The following SYNPR variants were observed in gnomAD, a reference collection of about 807,000 sequenced individuals.
SYNPR encodes synaptoporin.
SYNPR carries 23 observed loss-of-function variants against 32.9 expected under a neutral mutation model. The observed-to-expected ratio is 0.70, with a 90% CI of 0.50 to 0.99. SYNPR has a LOEUF of 0.99. Ranked by LOEUF, SYNPR falls within the 50% of genes least tolerant of loss-of-function variation. SYNPR has a pLI of 0.00. For missense variants in SYNPR, 318 were observed against 349.3 expected (o/e 0.91, Z 0.71); for synonymous variants, 146 against 135.9 (o/e 1.07, Z -0.52).
At chr3:63,478,472 CAAT>C (rs1375871893) in intron 2 of SYNPR, among the ~76,000 whole-genome samples, 1 of 152,172 alleles carries the variant, frequency 6.6e-6, no homozygotes, top group Non-Finnish European at 1.5e-5. Flanking sequence ...ACATGCCTCA[CAAT>C]ATTGTTGCCA....
chr3:63,328,676 C>T (rs2087191807), intron 2 of SYNPR, among the ~76,000 whole-genome samples: 1 of 152,146 alleles, frequency 6.6e-6, no homozygotes, highest in African/African-American at 2.4e-5. Context: ...GAAAAATAAA[C>T]ATCCAATTGG....
intron 2 of SYNPR, among the ~76,000 whole-genome samples, chr3:63,392,614 C>T (rs7640936): frequency 0.057 from 8,616 of 152,134 alleles, 631 homozygotes; most frequent in African/African-American, 0.17. Context: ...TTGTCATTAT[C>T]GTCCCTGGAA....
At chr3:63,559,070 CTTT>C (rs34219166) in intron 4 of SYNPR, among the ~76,000 whole-genome samples, 24 of 126,138 alleles carry the variant, frequency 1.9e-4, no homozygotes, top group Admixed American at 3.1e-4. Flanking sequence ...TCAATACTTT[CTTT>C]TTTTTTTTTT....
At chr3:63,549,666 G>T (rs1174172256) in intron 3 of SYNPR, among the ~76,000 whole-genome samples, 1 of 152,130 alleles carries the variant, frequency 6.6e-6, no homozygotes, top group African/African-American at 2.4e-5. Flanking sequence ...ATAAAGCAAT[G>T]CCACTTGTCT....
At chr3:63,255,464 G>T (rs2086374108) in intron 2 of SYNPR, among the ~76,000 whole-genome samples, 1 of 152,168 alleles carries the variant, frequency 6.6e-6, no homozygotes, top group Admixed American at 6.5e-5. Flanking sequence ...TTTTATGTAT[G>T]CTGTGAAGGA....
At chr3:63,348,941 AATGTG>A (rs2107014440) in intron 2 of SYNPR, among the ~76,000 whole-genome samples, 1 of 152,288 alleles carries the variant, frequency 6.6e-6, no homozygotes, top group Admixed American at 6.5e-5. Context: ...GAGGTCAGCT[AATGTG>A]ATGCCTCTAG....
At chr3:63,504,130 T>C (rs1193074809) in intron 3 of SYNPR, among the ~76,000 whole-genome samples, 4 of 152,134 alleles carry the variant, frequency 2.6e-5, no homozygotes, top group Admixed American at 6.6e-5. Flanking sequence ...AATTAAAATA[T>C]TTTACCAAAG....
chr3:63,279,850 G>C (rs1312956131), intron 2 of SYNPR, among the ~76,000 whole-genome samples: 3 of 152,162 alleles, frequency 2.0e-5, no homozygotes, highest in African/African-American at 7.2e-5. Context: ...GAATGAAAAT[G>C]TATGCGTATA....
chr3:63,615,656 A>T lies in SYNPR; in HGVS notation c.*175A>T, dbSNP rs999025040. 1 of 735,522 alleles carries T rather than the reference A, an allele frequency of 1.4e-6. No individual in the cohort carries two copies. The highest frequency in any genetic ancestry group is 2.1e-6 in the Non-Finnish European group (1 of 468,744). 45.6% of individuals were successfully genotyped at this position (735,522 alleles called of 1,614,324 possible). A position where few individuals can be genotyped will look rare whatever the true frequency, so the allele number is the denominator to read the frequency against. On this transcript the variant is annotated 3_prime_UTR_variant, in exon 6 of 6. Coordinates refer to ENST00000478300, the MANE Select transcript of SYNPR (RefSeq NM_001130003.2). ...GGGTTGTGAAAAATGATACTTAGAG[A>T]TGAGGCGACATGAGGAGATATATTA...
intron 2 of SYNPR, among the ~76,000 whole-genome samples, chr3:63,410,844 G>A (rs1046496793): frequency 1.3e-5 from 2 of 152,190 alleles, no homozygotes; most frequent in African/African-American, 2.4e-5. Context: ...GAGGAGGACA[G>A]TGATGGTTGG....
chr3:63,341,386 C>T (rs914729111), intron 2 of SYNPR, among the ~76,000 whole-genome samples: 1 of 152,162 alleles, frequency 6.6e-6, no homozygotes, highest in African/African-American at 2.4e-5. Context: ...TACAATTGCT[C>T]GATCCTATAG....
intron 1 of SYNPR, among the ~76,000 whole-genome samples, chr3:63,230,015 G>A (rs1000998508): frequency 1.3e-5 from 2 of 152,042 alleles, no homozygotes; most frequent in African/African-American, 4.8e-5. Context: ...GTGGTATATG[G>A]ACCATGCATT....
chr3:63,365,182 C>A (rs532533268), intron 2 of SYNPR, among the ~76,000 whole-genome samples: 1 of 152,192 alleles, frequency 6.6e-6, no homozygotes, highest in South Asian at 2.1e-4. Context: ...AGGATATTGG[C>A]AAAGGGATGA....
intron 3 of SYNPR, among the ~76,000 whole-genome samples, chr3:63,523,732 G>A (rs72887348): frequency 0.03 from 4,600 of 152,142 alleles, 232 homozygotes; most frequent in African/African-American, 0.1. Flanking sequence ...GGTTTTGTTT[G>A]TTTGTTTGTT....
At chr3:63,207,723 G>A in the SYNPR span, among the ~76,000 whole-genome samples, 86 of 152,124 alleles carry the variant, frequency 5.7e-4, no homozygotes, top group East Asian at 0.016. Context: ...TCATCTTCTC[G>A]TCTTTCTAAC....
chr3:63,248,195 C>T (rs1175105816), intron 1 of SYNPR, among the ~76,000 whole-genome samples: 1 of 152,136 alleles, frequency 6.6e-6, no homozygotes, highest in African/African-American at 2.4e-5. Context: ...ACCCCCAAAA[C>T]CTGTTAATGC....
chr3:63,266,707 CA>C (rs10644651), intron 2 of SYNPR, among the ~76,000 whole-genome samples: 2 of 120,412 alleles, frequency 1.7e-5, no homozygotes, highest in Non-Finnish European at 1.7e-5. Flanking sequence ...AACTCCGTCT[CA>C]AAAAAAAAAA....
chr3:63,488,523 C>T (rs759888403), intron 3 of SYNPR, among the ~76,000 whole-genome samples: 17 of 152,126 alleles, frequency 1.1e-4, no homozygotes, highest in East Asian at 1.9e-4. Context: ...AGTGGAAGCA[C>T]GCTGGGCCCA....
intron 2 of SYNPR, among the ~76,000 whole-genome samples, chr3:63,258,246 A>G (rs1379000557): frequency 2.0e-5 from 3 of 152,190 alleles, no homozygotes; most frequent in African/African-American, 7.2e-5. Flanking sequence ...AGAACTCTCC[A>G]CCCCAATTCA....
Sources: allele counts gnomAD v4.1 joint callset (sites outside exome capture counted in the v4.1 genomes callset), GRCh38; gene constraint gnomAD v4.1.1; transcripts MANE v1.5; gene names NCBI Gene and HGNC (gene_info 2026-07-23, HGNC 2026-07-21).